AXDND1: variants seen among roughly 807,000 people sequenced by gnomAD.
AXDND1 encodes axonemal dynein light chain domain containing 1, also known as axonemal dynein light chain domain-containing protein 1.
Under a neutral mutation model 137.5 loss-of-function variants are expected in AXDND1, and 110 were observed. The ratio of observed to expected loss-of-function variants is 0.80; its 90% CI spans 0.69 to 0.94. The LOEUF is 0.94. AXDND1 is among the 40% of genes least tolerant of loss of function. The pLI is 0.00. For missense variants in AXDND1, 1,191 were observed against 1,169.8 expected (o/e 1.02, Z -0.26); for synonymous variants, 414 against 399.7 (o/e 1.04, Z -0.43).
At chr1:179,479,143 C>T (rs1022794713) in intron 17 of AXDND1, among the ~76,000 whole-genome samples, 4 of 152,144 alleles carry the variant, frequency 2.6e-5, no homozygotes, top group Admixed American at 2.0e-4. Flanking sequence ...ATACCTTTAA[C>T]AGCACCCAAG....
intron 12 of AXDND1, among the ~76,000 whole-genome samples, chr1:179,415,465 A>G (rs1264733086): frequency 6.6e-6 from 1 of 152,192 alleles, no homozygotes; most frequent in Non-Finnish European, 1.5e-5. Flanking sequence ...TATTAGAAGA[A>G]ATTACATGAG....
chr1:179,552,683 T>C (rs1342452396), intron 25 of AXDND1: 1 of 1,613,114 alleles, frequency 6.2e-7, no homozygotes, highest in South Asian at 1.1e-5. Context: ...ACATCTTTAC[T>C]GAAAAAGAAA....
intron 18 of AXDND1, among the ~76,000 whole-genome samples, chr1:179,485,980 A>G (rs913823928): frequency 1.3e-5 from 2 of 151,964 alleles, no homozygotes; most frequent in African/African-American, 2.4e-5. Context: ...TTAGCTAGGC[A>G]TGGTGGTGGG....
chr1:179,378,794 C>T, intron 5 of AXDND1, 37 bp downstream of exon 5: 2 of 1,417,138 alleles, frequency 1.4e-6, no homozygotes, highest in African/African-American at 1.4e-5. Context: ...TTCTCTCCCT[C>T]TGTCTACTTT....
rs140143277 is a variant in AXDND1 at position 179,407,868 on chromosome 1, C to T, written c.1110-3278C>T. ...TGTCTTTGTCCATCTCTTCTCTTTC[C>T]GAAACTCCCCAGAATAAAAAAAATT... On this transcript the variant is annotated intron_variant, in intron 11 of 25. Transcript: ENST00000367618. Among the ~76,000 whole-genome samples the T allele has an allele frequency of 3.6e-4, 55 of 152,154 alleles. No homozygotes were observed. In the East Asian group the frequency reaches 8.7e-3, roughly 24 times the overall value.
chr1:179,414,932 A>G (rs1299347608), intron 12 of AXDND1, among the ~76,000 whole-genome samples: 1 of 151,414 alleles, frequency 6.6e-6, no homozygotes, highest in South Asian at 2.1e-4. Context: ...AAAATGTGTT[A>G]CTTGGTTAGA....
intron 22 of AXDND1, among the ~76,000 whole-genome samples, chr1:179,526,584 A>G (rs549201555): frequency 2.0e-4 from 31 of 152,288 alleles, no homozygotes; most frequent in Admixed American, 5.9e-4. Flanking sequence ...TACTTCTTTG[A>G]TATATTTCTT....
At chr1:179,369,151 C>T (rs1305469534) in intron 3 of AXDND1, among the ~76,000 whole-genome samples, 179 bp downstream of exon 3, 1 of 152,172 alleles carries the variant, frequency 6.6e-6, no homozygotes, top group African/African-American at 2.4e-5. Context: ...GATCATTGCT[C>T]ACTGCAGCCT....
chr1:179,497,963 G>C (rs1006619879), intron 20 of AXDND1, among the ~76,000 whole-genome samples: 3 of 152,002 alleles, frequency 2.0e-5, no homozygotes, highest in African/African-American at 7.2e-5. Flanking sequence ...GAGGTGAAAG[G>C]CGTCTACAAG....
chr1:179,429,274 A>G (rs769629201), intron 12 of AXDND1, among the ~76,000 whole-genome samples: 4 of 152,186 alleles, frequency 2.6e-5, no homozygotes, highest in African/African-American at 9.7e-5. Context: ...GGGCCTTGAG[A>G]TAACATTTTT....
chr1:179,522,032 G>T (rs1297815783), intron 21 of AXDND1, among the ~76,000 whole-genome samples: 1 of 151,748 alleles, frequency 6.6e-6, no homozygotes, highest in African/African-American at 2.4e-5. Flanking sequence ...TCTTTAATTT[G>T]GTATCTTTTG....
intron 17 of AXDND1, among the ~76,000 whole-genome samples, chr1:179,471,966 C>G (rs1571982407): frequency 6.6e-6 from 1 of 152,042 alleles, no homozygotes; most frequent in Non-Finnish European, 1.5e-5. Flanking sequence ...ATGACCTCAG[C>G]TCACTGCAAC....
chr1:179,452,680 G>A (rs1032057057), intron 16 of AXDND1: 1 of 99,268 alleles, frequency 1.0e-5, no homozygotes, highest in Non-Finnish European at 1.8e-5. Flanking sequence ...GGGCGACAGA[G>A]CGAGACTCCG....
intron 11 of AXDND1, among the ~76,000 whole-genome samples, chr1:179,396,359 A>G (rs575842807): frequency 1.3e-5 from 2 of 152,008 alleles, no homozygotes; most frequent in Admixed American, 1.3e-4. Flanking sequence ...TACATATAAA[A>G]AAATTTGCGG....
chr1:179,397,963 A>G (rs920463166), intron 11 of AXDND1, among the ~76,000 whole-genome samples: 1 of 152,048 alleles, frequency 6.6e-6, no homozygotes, highest in Non-Finnish European at 1.5e-5. Context: ...CTTCATTCCT[A>G]TCCATAGCAT....
intron 25 of AXDND1, among the ~76,000 whole-genome samples, chr1:179,535,852 T>C (rs4652410): frequency 0.89 from 134,623 of 152,036 alleles, 59,694 homozygotes; most frequent in East Asian, 0.96. Context: ...AGTGTAAAAG[T>C]GTTCCTATTT....
intron 20 of AXDND1, among the ~76,000 whole-genome samples, chr1:179,493,395 A>T (rs1233675940): frequency 6.6e-6 from 1 of 152,172 alleles, no homozygotes; most frequent in East Asian, 1.9e-4. Flanking sequence ...CAATTTATTT[A>T]GTCTCTGTTG....
At chr1:179,392,196 G>T (rs7410975) in intron 9 of AXDND1, among the ~76,000 whole-genome samples, 1 of 152,146 alleles carries the variant, frequency 6.6e-6, no homozygotes, top group Admixed American at 6.6e-5. Flanking sequence ...TCATAGCTTA[G>T]CTCCTATTTA....
intron 13 of AXDND1, 86 bp downstream of exon 13, chr1:179,429,705 C>A: frequency 7.3e-6 from 5 of 688,998 alleles, no homozygotes; most frequent in African/African-American, 1.9e-5. Context: ...TTAAATTTAT[C>A]GATTTTAAAA....
Sources: gnomAD v4.1 joint callset for allele counts (sites outside exome capture counted in the v4.1 genomes callset) on GRCh38, gnomAD v4.1.1 for gene constraint, MANE v1.5 for transcripts, NCBI Gene and HGNC (gene_info 2026-07-23, HGNC 2026-07-21) for gene names.